The following KLHL1 variants were observed in gnomAD, a reference collection of about 807,000 sequenced individuals.
KLHL1 encodes kelch like family member 1.
KLHL1 carries 47 observed loss-of-function variants against 77.7 expected under a neutral mutation model. The observed-to-expected ratio is 0.60, with a 90% CI of 0.48 to 0.77. The LOEUF is 0.77. Among genes scored for constraint, KLHL1 ranks in the 30% least tolerant of loss-of-function variants. The pLI, the probability that KLHL1 is intolerant of heterozygous loss-of-function variation, is 0.00. For missense variants in KLHL1, 925 were observed against 910.8 expected, an observed-to-expected ratio of 1.02 and a Z score of -0.20; for synonymous variants, 360 against 325.2, an observed-to-expected ratio of 1.11 and a Z score of -1.15.
chr13:70,037,622 C>T (rs942561424), intron 1 of KLHL1, among the ~76,000 whole-genome samples: 2 of 151,472 alleles, frequency 1.3e-5, no homozygotes, highest in Non-Finnish European at 2.9e-5. Context: ...TCTTGTAATT[C>T]AATTATATAT....
At chr13:69,910,635 C>A (rs908680460) in intron 4 of KLHL1, among the ~76,000 whole-genome samples, 1 of 151,968 alleles carries the variant, frequency 6.6e-6, no homozygotes, top group Non-Finnish European at 1.5e-5. Context: ...TCATTAAGGA[C>A]CATTATAAAT....
At chr13:69,899,402 T>C (rs1357064466) in intron 4 of KLHL1, among the ~76,000 whole-genome samples, 1 of 152,168 alleles carries the variant, frequency 6.6e-6, no homozygotes, top group African/African-American at 2.4e-5. Flanking sequence ...TAAAATTGTG[T>C]GGCAAGGTCA....
At chr13:69,979,945 A>G (rs1048108400) in intron 1 of KLHL1, among the ~76,000 whole-genome samples, 8 of 152,194 alleles carry the variant, frequency 5.3e-5, no homozygotes, top group African/African-American at 1.9e-4. Flanking sequence ...CTGACCCTCC[A>G]AATACTCCTT....
chr13:70,037,829 G>A (rs1886276497), intron 1 of KLHL1, among the ~76,000 whole-genome samples: 1 of 151,994 alleles, frequency 6.6e-6, no homozygotes, highest in African/African-American at 2.4e-5. Flanking sequence ...GTTATATGTT[G>A]AGGGTTTTTT....
At chr13:69,895,996 C>T (rs1881624269) in intron 4 of KLHL1, among the ~76,000 whole-genome samples, 1 of 152,108 alleles carries the variant, frequency 6.6e-6, no homozygotes, top group Admixed American at 6.5e-5. Flanking sequence ...GCATGAGCCA[C>T]CGTGCCCAGC....
In KLHL1 at chr13:69,882,490, G is replaced by A; in HGVS notation, c.1020C>T (p.Asn340=). The A allele has an allele frequency of 6.2e-7, 1 of 1,608,950 alleles. No individual in the cohort carries two copies. The highest frequency in any genetic ancestry group is 8.5e-7 in the Non-Finnish European group (1 of 1,175,538). Residue 340 remains asparagine, a synonymous_variant, in exon 5 of 11, where the codon AAC becomes AAT. Coordinates refer to ENST00000377844, the MANE Select transcript of KLHL1 (RefSeq NM_020866.3). ...CTTGATTTCTGATAACTTCCATTAT[G>A]TTTTCCTGCAGGGAGAAAATATCTT... is the stretch of plus-strand genomic sequence containing the variant. ...MKVAHSYTME[N]IMEVIRNQEF... is the part of the protein sequence containing the mutation.
chr13:70,042,412 T>TC, intron 1 of KLHL1, among the ~76,000 whole-genome samples: 1 of 152,236 alleles, frequency 6.6e-6, no homozygotes, highest in South Asian at 2.1e-4. Flanking sequence ...GAAAACACAG[T>TC]CATATCACAT....
intron 1 of KLHL1, among the ~76,000 whole-genome samples, chr13:70,097,027 G>A (rs1272522501): frequency 6.6e-6 from 1 of 151,994 alleles, no homozygotes; most frequent in African/African-American, 2.4e-5. Flanking sequence ...ATGTAAAGGA[G>A]GTTATTGGAG....
At chr13:69,790,189 G>A (rs948091859) in intron 7 of KLHL1, among the ~76,000 whole-genome samples, 1 of 152,076 alleles carries the variant, frequency 6.6e-6, no homozygotes, top group Non-Finnish European at 1.5e-5. Context: ...ACATTGTCAG[G>A]AATTGCATGA....
intron 9 of KLHL1, among the ~76,000 whole-genome samples, chr13:69,715,350 G>T (rs1325999011): frequency 6.6e-6 from 1 of 151,994 alleles, no homozygotes. Flanking sequence ...GAGATCTGGT[G>T]GTTTTATAAC....
At chr13:69,979,004 A>C (rs1365320846) in intron 1 of KLHL1, among the ~76,000 whole-genome samples, 1 of 152,118 alleles carries the variant, frequency 6.6e-6, no homozygotes, top group Admixed American at 6.6e-5. Context: ...ATTTGAAAAG[A>C]GTTATTCAAA....
intron 6 of KLHL1, among the ~76,000 whole-genome samples, chr13:69,827,049 G>T (rs1878576623): frequency 6.6e-6 from 1 of 151,552 alleles, no homozygotes; most frequent in South Asian, 2.1e-4. Context: ...ATAAAATTTT[G>T]AAATGTGGGC....
At chr13:69,775,085 G>A (rs1875760170) in intron 7 of KLHL1, among the ~76,000 whole-genome samples, 1 of 152,058 alleles carries the variant, frequency 6.6e-6, no homozygotes, top group African/African-American at 2.4e-5. Context: ...TTTTAAAGTC[G>A]TTTCCTGGGA....
Position 69,739,827 on chromosome 13 carries a change from G to T in KLHL1, c.1802+567C>A, listed in dbSNP as rs566113062. On this transcript the variant is annotated intron_variant, in intron 8 of 10. Transcript: ENST00000377844. ...TGTGGTTCTCATGGGGAAGACAGGG[G>T]CTGTATTTTGCCACTTCCCAGGGGA... Among the ~76,000 whole-genome samples the T allele has an allele frequency of 4.6e-5, 7 of 152,256 alleles. No homozygotes were observed. In the East Asian group the frequency reaches 1.4e-3, roughly 29 times the overall value.
At chr13:69,738,184 C>T (rs973200207) in intron 8 of KLHL1, among the ~76,000 whole-genome samples, 3 of 152,094 alleles carry the variant, frequency 2.0e-5, no homozygotes, top group Non-Finnish European at 4.4e-5. Flanking sequence ...GAAAAACAAA[C>T]AGAAAGCAAC....
rs996287439 is a variant in KLHL1 at position 70,105,983 on chromosome 13, A to G, written c.497+1220T>C. ...GTTCAATCTCTGAAAATTAAAATTA[A>G]AAAATATATATAATGTATATAATTG... On this transcript the variant is annotated intron_variant, in intron 1 of 10. Coordinates refer to ENST00000377844, the MANE Select transcript of KLHL1 (RefSeq NM_020866.3). 2.0e-5 allele frequency among the ~76,000 whole-genome samples: 3 copies of G among 150,556 alleles called. No homozygotes were observed. In the East Asian group the frequency reaches 5.9e-4, roughly 29 times the overall value.
rs145040798 is a variant in KLHL1 at position 69,767,564 on chromosome 13, C to T, written c.1640-27008G>A. Among the ~76,000 whole-genome samples the T allele has an allele frequency of 2.0e-3, 307 of 152,118 alleles. 1 individual carries two copies. Among genetic ancestry groups the T allele is most frequent in the African/African-American group, 6.9e-3 (285 of 41,526 alleles). On this transcript the variant is annotated intron_variant, in intron 7 of 10. Transcript: ENST00000377844. ...TAAAACTTTTAAAAACAGTAAATAT[C>T]GGTCTATACTAATATAATCACTATA... is the stretch of plus-strand genomic sequence containing the variant.
At chr13:69,844,713 G>A (rs1434998445) in intron 5 of KLHL1, among the ~76,000 whole-genome samples, 4 of 151,452 alleles carry the variant, frequency 2.6e-5, no homozygotes, top group Non-Finnish European at 3.0e-5. Flanking sequence ...GTTATAAAAT[G>A]TTCATTTTCT....
Position 70,107,644 on chromosome 13 carries a change from C to T in KLHL1, c.56G>A (p.Trp19Ter). The part of the protein sequence containing the change: ...FDVKHILRLR[W>*]KLFSHPSPST... ...AGGAGACGGGTGGCTGAAGAGTTTC[C>T]AGCGGAGTCGCAGAATGTGCTTCAC... Residue 19 changes from tryptophan to a stop codon, truncating the protein, a stop_gained, in exon 1 of 11, where the codon TGG becomes TAG. Coordinates refer to ENST00000377844, the MANE Select transcript of KLHL1 (RefSeq NM_020866.3). LOFTEE classifies it high-confidence loss of function. 1.3e-6 allele frequency: 2 copies of T among 1,554,602 alleles called. No individual in the cohort carries two copies. Among genetic ancestry groups the T allele is most frequent in the African/African-American group, 1.4e-5 (1 of 72,914 alleles).
Sources: allele counts gnomAD v4.1 joint callset (sites outside exome capture counted in the v4.1 genomes callset), GRCh38; gene constraint gnomAD v4.1.1; transcripts MANE v1.5; gene names NCBI Gene and HGNC (gene_info 2026-07-23, HGNC 2026-07-21).